The following ATAD3A variants were observed in gnomAD, a reference collection of about 807,000 sequenced individuals.
The protein encoded by ATAD3A is ATPase family AAA domain containing 3A, also known as ATPase family AAA domain-containing protein 3A.
ATAD3A carries 46 observed loss-of-function variants against 73.8 expected under a neutral mutation model. The ratio of observed to expected loss-of-function variants is 0.62; its 90% CI spans 0.49 to 0.80. ATAD3A has a LOEUF of 0.80. ATAD3A is among the 30% of genes least tolerant of loss of function. ATAD3A has a pLI of 0.00. For missense variants in ATAD3A, 705 were observed against 838.0 expected (o/e 0.84, Z 1.96); for synonymous variants, 319 against 350.0 (o/e 0.91, Z 0.99).
chr1:1,512,751 C>T (rs2100639003), intron 1 of ATAD3A: 9 of 1,112,472 alleles, frequency 8.1e-6, no homozygotes, highest in Non-Finnish European at 9.0e-6. Context: ...CTGGGGCTGG[C>T]CGTGGTCTTC....
chr1:1,530,550 C>A (rs566207883), intron 15 of ATAD3A, among the ~76,000 whole-genome samples: 10,975 of 120,396 alleles, frequency 0.091, 1,547 homozygotes, highest in African/African-American at 0.38. Context: ...AGAATAATGG[C>A]CGGGCGCGGT....
rs541685796 is a variant in ATAD3A, at chr1:1,533,439, T to C, written c.1615-487T>C. 9.6e-3 allele frequency among the ~76,000 whole-genome samples: 1,468 copies of C among 152,174 alleles called. 20 individuals are homozygous for C. The highest frequency in any genetic ancestry group is 0.033 in the African/African-American group (1,387 of 41,456). ...ACGTGCCAGATGCCAAGCCCTGTGC[T>C]CAGGAGGACAGGGAGGTGGGGGCAG... On this transcript the variant is annotated intron_variant, in intron 15 of 15. Coordinates refer to ENST00000378756, the MANE Select transcript of ATAD3A (RefSeq NM_001170535.3).
intron 12 of ATAD3A, among the ~76,000 whole-genome samples, chr1:1,525,606 G>A (rs1304103204): frequency 6.6e-6 from 1 of 152,012 alleles, no homozygotes; most frequent in South Asian, 2.1e-4. Context: ...AGCAGAGACG[G>A]GGTTTCACCG....
chr1:1,532,965 C>T (rs1476311821), intron 15 of ATAD3A, among the ~76,000 whole-genome samples: 24 of 152,240 alleles, frequency 1.6e-4, no homozygotes, highest in Non-Finnish European at 2.8e-4. Context: ...AGTGGTGGTC[C>T]GGCTCCGGTC....
intron 1 of ATAD3A, among the ~76,000 whole-genome samples, chr1:1,515,547 G>T (rs1641327867): frequency 6.6e-6 from 1 of 152,286 alleles, no homozygotes; most frequent in South Asian, 2.1e-4. Context: ...TGAGGACGTT[G>T]TCAGATGCTT....
chr1:1,525,354 G>A (rs1416607347), intron 12 of ATAD3A, 63 bp downstream of exon 12: 1 of 1,596,480 alleles, frequency 6.3e-7, no homozygotes, highest in Non-Finnish European at 8.6e-7. Context: ...GTCTGCCTGG[G>A]CCAGGCTGCA....
At position 1,512,175 on chromosome 1, in the gene ATAD3A, A is replaced by T. The variant is rs1641211849; in HGVS notation, c.-94A>T. The T allele has an allele frequency of 2.5e-6, 3 of 1,213,284 alleles. No homozygotes were observed. The highest frequency in any genetic ancestry group is 3.1e-6 in the Non-Finnish European group (3 of 973,358). 75.2% of individuals were successfully genotyped at this position (1,213,284 alleles called of 1,614,324 possible). A position where few individuals can be genotyped will look rare whatever the true frequency, so the allele number is the denominator to read the frequency against. ...TGGCGCCTGCGCAGTGGCGGTGACCACCGGCTCGCGGCGCGTGGAGGCTGC... is the reference window on the plus strand; with the variant it reads ...TGGCGCCTGCGCAGTGGCGGTGACCTCCGGCTCGCGGCGCGTGGAGGCTGC... On this transcript the variant is annotated 5_prime_UTR_variant, in exon 1 of 16. Coordinates refer to ENST00000378756, the MANE Select transcript of ATAD3A (RefSeq NM_001170535.3).
Position 1,529,205 on chromosome 1 carries a change from T to C in ATAD3A, c.1506-18T>C. ...GAGCTGCTGCCTTGGCCGGCCCACT[T>C]GGGAACTCCTTCCCCAGGCGCCTGA... is the stretch of plus-strand genomic sequence containing the variant. On this transcript the variant is annotated intron_variant, in intron 14 of 15. Coordinates refer to ENST00000378756, the MANE Select transcript of ATAD3A (RefSeq NM_001170535.3). 1 of 1,607,764 alleles carries C rather than the reference T, an allele frequency of 6.2e-7. No individual in the cohort carries two copies. The highest frequency in any genetic ancestry group is 8.5e-7 in the Non-Finnish European group (1 of 1,178,088).
chr1:1,513,167 C>A (rs1176644524), intron 1 of ATAD3A, among the ~76,000 whole-genome samples: 1 of 152,246 alleles, frequency 6.6e-6, no homozygotes, highest in Non-Finnish European at 1.5e-5. Context: ...GTAATTTTAA[C>A]CATCAGGTTA....
intron 11 of ATAD3A, among the ~76,000 whole-genome samples, 176 bp downstream of exon 11, chr1:1,524,573 C>T (rs1273562263): frequency 2.0e-4 from 26 of 129,828 alleles, no homozygotes; most frequent in Admixed American, 6.7e-4. Context: ...AGTGTGGACC[C>T]TGGTGGACAC....
chr1:1,513,928 C>T (rs1046196362), intron 1 of ATAD3A, among the ~76,000 whole-genome samples: 5 of 152,004 alleles, frequency 3.3e-5, no homozygotes, highest in African/African-American at 1.2e-4. Flanking sequence ...CGCCTGGTTC[C>T]CAGAGTGCCC....
At chr1:1,530,495 G>A (rs1015217118) in intron 15 of ATAD3A, among the ~76,000 whole-genome samples, 2 of 152,018 alleles carry the variant, frequency 1.3e-5, no homozygotes, top group African/African-American at 2.4e-5. Flanking sequence ...GATTGCCACT[G>A]CACTCCAGCC....
At chr1:1,532,157 G>A (rs1642053986) in intron 15 of ATAD3A, among the ~76,000 whole-genome samples, 1 of 152,130 alleles carries the variant, frequency 6.6e-6, no homozygotes, top group South Asian at 2.1e-4. Context: ...TGGTCAGGGT[G>A]TATAATTTTT....
intron 14 of ATAD3A, 97 bp downstream of exon 14, chr1:1,527,959 T>G (rs1177518726): frequency 1.1e-4 from 20 of 186,754 alleles, no homozygotes; most frequent in Non-Finnish European, 1.9e-4. Flanking sequence ...TTAACATTCC[T>G]TTTTTTTTTT....
At position 1,517,101 on chromosome 1, in the gene ATAD3A, C is replaced by T. The variant is rs563771489; in HGVS notation, c.283-210C>T. The T allele has an allele frequency of 3.8e-5, 59 of 1,533,498 alleles. 1 individual carries two copies. The highest frequency in any genetic ancestry group is 3.8e-4 in the South Asian group (31 of 81,978). 95.0% of individuals were successfully genotyped at this position (1,533,498 alleles called of 1,614,324 possible). On this transcript the variant is annotated intron_variant, in intron 2 of 15. Coordinates refer to ENST00000378756, the MANE Select transcript of ATAD3A (RefSeq NM_001170535.3). ...CGGCCTCCCTCCCGGGGGGCCTTCGCGGGCTTCTGCTGGTGCTTCTGTGCC... is the reference window on the plus strand; with the variant it reads ...CGGCCTCCCTCCCGGGGGGCCTTCGTGGGCTTCTGCTGGTGCTTCTGTGCC...
At chr1:1,532,032 C>T (rs1385351366) in intron 15 of ATAD3A, among the ~76,000 whole-genome samples, 1 of 152,120 alleles carries the variant, frequency 6.6e-6, no homozygotes, top group Non-Finnish European at 1.5e-5. Context: ...ATGTAGTTTC[C>T]TTCCTCCACT....
Position 1,520,659 on chromosome 1 carries a change from G to A in ATAD3A, c.750+42G>A, listed in dbSNP as rs2002374. 2.8e-3 allele frequency: 4,527 copies of A among 1,612,968 alleles called. 109 individuals are homozygous for A. In the African/African-American group the frequency reaches 0.053, roughly 19 times the overall value. On this transcript the variant is annotated intron_variant, in intron 7 of 15. Transcript: ENST00000378756. The surrounding 1 kb of genome is among the most constrained non-coding windows in gnomAD (Gnocchi z 4.0). Reference sequence around the variant, plus strand: ...AACAGGGCTGGCAGGTGGCTGAGGGGCAGCATGTGGGGGCCTCCTGGAGCC... The same window carrying A: ...AACAGGGCTGGCAGGTGGCTGAGGGACAGCATGTGGGGGCCTCCTGGAGCC...
At chr1:1,524,977 G>A (rs528097434) in intron 11 of ATAD3A, among the ~76,000 whole-genome samples, 63 of 152,320 alleles carry the variant, frequency 4.1e-4, no homozygotes, top group East Asian at 1.4e-3. Context: ...CACTGGGCCG[G>A]GTGGGGGTGA....
chr1:1,525,357 A>G (rs1160650181), intron 12 of ATAD3A, 66 bp downstream of exon 12: 1 of 1,586,602 alleles, frequency 6.3e-7, no homozygotes, highest in Admixed American at 1.7e-5. Context: ...TGCCTGGGCC[A>G]GGCTGCAGCC....
Sources: gnomAD v4.1 joint callset for allele counts (sites outside exome capture counted in the v4.1 genomes callset) on GRCh38, gnomAD v4.1.1 for gene constraint, Gnocchi (gnomAD v3.1) non-coding constraint, MANE v1.5 for transcripts, NCBI Gene and HGNC (gene_info 2026-07-23, HGNC 2026-07-21) for gene names.